Variants in IPP observed in about 807,000 individuals in gnomAD.
IPP encodes the protein intracisternal A particle-promoted polypeptide.
Under a neutral mutation model 64.1 loss-of-function variants are expected in IPP, and 41 were observed. That is an observed-to-expected ratio of 0.64 (90% CI 0.50 to 0.83). The LOEUF (loss-of-function observed/expected upper bound fraction) is 0.83. Ranked by LOEUF, IPP falls within the 40% of genes least tolerant of loss-of-function variation. The probability of loss-of-function intolerance (pLI) is 0.00; values close to 1 mark genes in which losing one functional copy is unlikely to be tolerated. For synonymous variants in IPP, 214 were observed against 235.2 expected (o/e 0.91, Z 0.83); for missense variants, 649 against 703.0 (o/e 0.92, Z 0.87).
In IPP at chr1:45,712,881, AT is replaced by A. The variant is rs1245110560; in HGVS notation, c.1530+1364del. Among the ~76,000 whole-genome samples, 1,095 of 144,498 alleles carry A rather than the reference AT, an allele frequency of 7.6e-3. 9 individuals carry two copies. Among genetic ancestry groups the A allele is most frequent in the African/African-American group, 0.025 (942 of 38,370 alleles). The allele number at this position is 144,498 out of a possible 152,430, so 94.8% of individuals were successfully genotyped here. A position where few individuals can be genotyped will look rare whatever the true frequency, so the allele number is the denominator to read the frequency against. ...AAAAAAAAAGAAAAAAAAAAAAAAT[AT>A]ATATATATATACACACCATCCGCCT... On this transcript the variant is annotated intron_variant, in intron 8 of 8. Coordinates refer to ENST00000396478, the MANE Select transcript of IPP (RefSeq NM_005897.3).
intron 5 of IPP, among the ~76,000 whole-genome samples, chr1:45,725,477 C>A (rs1645809559): frequency 2.1e-5 from 3 of 140,592 alleles, no homozygotes; most frequent in Non-Finnish European, 1.6e-5. Context: ...GGGTGTCAGC[C>A]CCCCGCCCGG....
At chr1:45,746,511 C>T (rs1197382531) in intron 1 of IPP, 50 bp from the exon 2 acceptor site, 6 of 802,634 alleles carry the variant, frequency 7.5e-6, no homozygotes, top group African/African-American at 1.7e-5. Flanking sequence ...TTTTAACATG[C>T]TTTCTATTCA....
rs760653767 is a variant in IPP at position 45,727,772 on chromosome 1, G to A, written c.907C>T (p.Arg303Cys). Residue 303 changes from arginine to cysteine, a missense_variant, in exon 5 of 9, where the codon CGC (arginine) becomes TGC (cysteine). By Grantham distance (180) the Arg-to-Cys change is radical (BLOSUM62 -3). Transcript: ENST00000396478. ...VGGYTRLQGG[R>C]WSDSRALSCV... ...CTGAGGGCTCTGCTATCACTCCAGCGACCCCCCTGCAACCGAGTATATCCA... is the reference window on the plus strand; with the variant it reads ...CTGAGGGCTCTGCTATCACTCCAGCAACCCCCCTGCAACCGAGTATATCCA... 5.1e-6 allele frequency: 8 copies of A among 1,567,130 alleles called. No individual in the cohort carries two copies. The highest frequency in any genetic ancestry group is 1.7e-4 in the Middle Eastern group (1 of 5,898).
chr1:45,721,334 C>T (rs556975321), intron 5 of IPP, among the ~76,000 whole-genome samples: 1 of 152,332 alleles, frequency 6.6e-6, no homozygotes, highest in Admixed American at 6.5e-5. Flanking sequence ...ACACGCTTTC[C>T]TTCTGAAGGT....
intron 8 of IPP, among the ~76,000 whole-genome samples, chr1:45,709,720 G>A (rs1270907847): frequency 4.6e-5 from 5 of 108,428 alleles, no homozygotes; most frequent in South Asian, 3.3e-4. Flanking sequence ...CCAGCTACTC[G>A]GGAGGCTAAG....
intron 8 of IPP, among the ~76,000 whole-genome samples, chr1:45,707,612 T>G (rs1645528977): frequency 6.6e-6 from 1 of 151,884 alleles, no homozygotes; most frequent in African/African-American, 2.4e-5. Context: ...GAACTAGAAG[T>G]TTGGATACTC....
chr1:45,704,567 T>C (rs1287104488), intron 8 of IPP, among the ~76,000 whole-genome samples: 3 of 152,124 alleles, frequency 2.0e-5, no homozygotes, highest in African/African-American at 7.2e-5. Context: ...AGAAAAGGTA[T>C]TTACAACATG....
intron 8 of IPP, among the ~76,000 whole-genome samples, chr1:45,712,270 C>T (rs1481345581): frequency 7.0e-6 from 1 of 143,148 alleles, no homozygotes; most frequent in Non-Finnish European, 1.5e-5. Flanking sequence ...GTGAGCTGAG[C>T]AGCCTGGTGA....
At chr1:45,702,478 G>A (rs188981459) in intron 8 of IPP, among the ~76,000 whole-genome samples, 24 of 152,152 alleles carry the variant, frequency 1.6e-4, no homozygotes, top group African/African-American at 5.3e-4. Context: ...CATTTGAGAC[G>A]GAGTCTCACT....
chr1:45,722,622 A>G (rs900199946), intron 5 of IPP, among the ~76,000 whole-genome samples: 2 of 152,162 alleles, frequency 1.3e-5, no homozygotes, highest in African/African-American at 4.8e-5. Flanking sequence ...ATAACAATAT[A>G]TATCTCAAAA....
chr1:45,746,365 G>A lies in IPP; in HGVS notation c.47C>T (p.Ser16Leu). Reference protein sequence around the residue: ...CPKAADSPFSSDKHAQLILAQ... With the variant: ...CPKAADSPFSLDKHAQLILAQ... The stretch of plus-strand genomic sequence containing the variant: ...CAAGATGAGTTGGGCATGTTTATCT[G>A]ATGAAAAAGGACTATCAGCAGCCTT... The change falls in exon 2 of 9, where the codon TCA becomes TTA. Residue 16 changes from serine (S) to leucine (L), a missense_variant. Physicochemically the swap from Ser to Leu is moderately radical, Grantham distance 145. Transcript: ENST00000396478. 1.2e-6 allele frequency: 2 copies of A among 1,613,758 alleles called. No individual in the cohort carries two copies. The highest frequency in any genetic ancestry group is 1.7e-6 in the Non-Finnish European group (2 of 1,179,666).
At chr1:45,718,918 A>G (rs972268225) in intron 6 of IPP, among the ~76,000 whole-genome samples, 1 of 151,582 alleles carries the variant, frequency 6.6e-6, no homozygotes, top group Non-Finnish European at 1.5e-5. Context: ...AAAAAAAAAA[A>G]GAATGAATAA....
rs755319684 is a variant in IPP, at chr1:45,714,385, C to T, written c.1391G>A (p.Arg464His). The change falls in exon 8 of 9, where the codon CGT becomes CAT. Residue 464 changes from arginine (R) to histidine (H), a missense_variant. By Grantham distance (29) the Arg-to-His change is conservative. Transcript: ENST00000396478. ...SFEVYDPLSK[R>H]WSPLPPMGTR... ...TCCCATTGGAGGAAGTGGAGACCAA[C>T]GCTTAGAAAGTGGATCATAGACTTC... is the stretch of plus-strand genomic sequence containing the variant. The T allele has an allele frequency of 5.9e-5, 96 of 1,613,862 alleles. No individual in the cohort carries two copies. Among genetic ancestry groups the T allele is most frequent in the Non-Finnish European group, 7.5e-5 (89 of 1,179,832 alleles).
intron 1 of IPP, among the ~76,000 whole-genome samples, chr1:45,750,117 G>T (rs1447252177): frequency 6.6e-6 from 1 of 152,198 alleles, no homozygotes; most frequent in African/African-American, 2.4e-5. Flanking sequence ...ACCTATGTTT[G>T]CTGGCTTTGA....
intron 3 of IPP, among the ~76,000 whole-genome samples, chr1:45,738,844 A>ACAAAAAAAAC (rs746761898): frequency 2.1e-5 from 3 of 144,516 alleles, no homozygotes; most frequent in Non-Finnish European, 3.0e-5. Context: ...CATCTCAAAA[A>ACAAAAAAAAC]AAAAAAAAAA....
At chr1:45,721,464 A>C (rs1365807631) in intron 5 of IPP, among the ~76,000 whole-genome samples, 2 of 152,338 alleles carry the variant, frequency 1.3e-5, no homozygotes, top group East Asian at 3.9e-4. Flanking sequence ...ATGTTGTCAC[A>C]ACTAATTGCT....
chr1:45,721,694 C>T (rs1035762330), intron 5 of IPP, among the ~76,000 whole-genome samples: 1 of 152,224 alleles, frequency 6.6e-6, no homozygotes, highest in African/African-American at 2.4e-5. Flanking sequence ...GTCTTGGGAA[C>T]CCTGATGCAC....
chr1:45,715,937 G>C (rs1645652303), intron 7 of IPP, among the ~76,000 whole-genome samples: 1 of 152,168 alleles, frequency 6.6e-6, no homozygotes, highest in Non-Finnish European at 1.5e-5. Context: ...AATCAGAGAA[G>C]GTAACCACAG....
At chr1:45,704,107 G>A (rs1165398687) in intron 8 of IPP, among the ~76,000 whole-genome samples, 1 of 152,136 alleles carries the variant, frequency 6.6e-6, no homozygotes, top group South Asian at 2.1e-4. Flanking sequence ...GAACCCTGGG[G>A]AATTCACCTA....
Sources: gnomAD v4.1 joint callset for allele counts (sites outside exome capture counted in the v4.1 genomes callset) on GRCh38, gnomAD v4.1.1 for gene constraint, MANE v1.5 for transcripts, NCBI Gene and HGNC (gene_info 2026-07-23, HGNC 2026-07-21) for gene names.